The following DOCK7 variants were observed in gnomAD, a reference collection of about 807,000 sequenced individuals.
DOCK7 encodes the protein dedicator of cytokinesis 7.
A neutral mutation model predicts 271.0 loss-of-function variants in DOCK7; 138 were observed. The observed-to-expected ratio is 0.51, with a 90% CI of 0.44 to 0.59. The LOEUF (loss-of-function observed/expected upper bound fraction) is 0.59, where lower values mean the gene tolerates loss of function less well. Ranked by LOEUF, DOCK7 falls within the 20% of genes least tolerant of loss-of-function variation. The pLI is 0.00. For synonymous variants in DOCK7, 823 were observed against 876.1 expected (o/e 0.94, Z 1.07); for missense variants, 2,066 against 2,592.4 (o/e 0.80, Z 4.41).
At chr1:62,586,285 T>C (rs1432484855) in intron 15 of DOCK7, among the ~76,000 whole-genome samples, 5 of 152,180 alleles carry the variant, frequency 3.3e-5, no homozygotes, top group Non-Finnish European at 1.5e-5. Context: ...ACAAGTCTTA[T>C]TCATCTTTGT....
intron 14 of DOCK7, among the ~76,000 whole-genome samples, chr1:62,593,596 T>A (rs1181425578): frequency 6.6e-6 from 1 of 151,968 alleles, no homozygotes; most frequent in African/African-American, 2.4e-5. Flanking sequence ...AAAAAATCTT[T>A]ACATGTCCAA....
Position 62,597,635 on chromosome 1 carries a change from T to C in DOCK7, c.1683-11011A>G, listed in dbSNP as rs763902658. 3.1e-6 allele frequency: 5 copies of C among 1,613,328 alleles called. No individual in the cohort carries two copies. In the Admixed American group the frequency reaches 6.7e-5, roughly 22 times the overall value. On this transcript the variant is annotated intron_variant, in intron 14 of 49. Coordinates refer to ENST00000635253, the MANE Select transcript of DOCK7 (RefSeq NM_001367561.1). ...TTTCCTCCAGAATTGATCAAGACAA[T>C]TCATCATTTGATTCTCTATCTCCAG...
At chr1:62,603,230 G>A (rs1413336657) in intron 14 of DOCK7, among the ~76,000 whole-genome samples, 2 of 151,594 alleles carry the variant, frequency 1.3e-5, no homozygotes, top group Admixed American at 6.6e-5. Context: ...CAACCCATTT[G>A]TACTTGTATT....
chr1:62,506,590 C>G (rs1646943594), intron 35 of DOCK7, among the ~76,000 whole-genome samples: 5 of 151,836 alleles, frequency 3.3e-5, no homozygotes, highest in Admixed American at 3.3e-4. Flanking sequence ...TGTGCCTCAG[C>G]CTCCTGAGTA....
chr1:62,542,756 T>C, intron 24 of DOCK7, 53 bp from the exon 25 acceptor site: 1 of 1,514,494 alleles, frequency 6.6e-7, no homozygotes, highest in South Asian at 1.2e-5. Flanking sequence ...GCTGATAACA[T>C]AAACCAAATC....
chr1:62,476,263 T>A, intron 44 of DOCK7, 107 bp from the exon 45 acceptor site: 2 of 675,402 alleles, frequency 3.0e-6, no homozygotes, highest in Non-Finnish European at 5.0e-6. Flanking sequence ...GTGAGTTCTG[T>A]ACAATCATAT....
At chr1:62,688,200 G>T in intron 1 of DOCK7, 27 bp downstream of exon 1, 1 of 1,369,652 alleles carries the variant, frequency 7.3e-7, no homozygotes. Flanking sequence ...GGCGGCGGCG[G>T]CGGCGCGCCC....
chr1:62,522,183 T>C lies in DOCK7; in HGVS notation c.3936+5968A>G, dbSNP rs139429900. Among the ~76,000 whole-genome samples the C allele has an allele frequency of 4.0e-3, 602 of 152,080 alleles. 15 individuals carry two copies. The highest frequency in any genetic ancestry group is 0.034 in the Admixed American group (525 of 15,266). The stretch of plus-strand genomic sequence containing the variant: ...TCTTAGGTACTTGCAGAGAAGAGGA[T>C]AAAAGAGAAAACTCCCTACCTCATT... On this transcript the variant is annotated intron_variant, in intron 31 of 49. Coordinates refer to ENST00000635253, the MANE Select transcript of DOCK7 (RefSeq NM_001367561.1).
rs1290014842 is a variant in DOCK7 at position 62,539,822 on chromosome 1, T to C, written c.3116A>G (p.Glu1039Gly). The change falls in exon 26 of 50, where the codon GAA becomes GGA. Residue 1039 changes from glutamate to glycine, a missense_variant. This residue lies in a region of DOCK7 where 1,414 missense variants were observed against 1,670.4 expected (regional missense o/e 0.85). Coordinates refer to ENST00000635253, the MANE Select transcript of DOCK7 (RefSeq NM_001367561.1). Reference protein sequence around the residue: ...LEAPRKSRFPERFMDDIAALV... With the variant: ...LEAPRKSRFPGRFMDDIAALV... Reference sequence around the variant, plus strand: ...AGCTGCAATGTCATCCATGAAACGTTCTGGAAAACGACTTTTCCTTGGAGC... The same window carrying C: ...AGCTGCAATGTCATCCATGAAACGTCCTGGAAAACGACTTTTCCTTGGAGC... 1.9e-6 allele frequency: 3 copies of C among 1,613,776 alleles called. No individual in the cohort carries two copies. Among genetic ancestry groups the C allele is most frequent in the Non-Finnish European group, 2.5e-6 (3 of 1,179,912 alleles).
At chr1:62,683,780 C>G (rs1661427588) in intron 1 of DOCK7, among the ~76,000 whole-genome samples, 2 of 151,740 alleles carry the variant, frequency 1.3e-5, no homozygotes, top group South Asian at 4.2e-4. Flanking sequence ...ACAAAAAGTG[C>G]AAAAATTAGC....
At chr1:62,607,088 C>T (rs2149552260) in intron 14 of DOCK7, among the ~76,000 whole-genome samples, 1 of 152,246 alleles carries the variant, frequency 6.6e-6, no homozygotes, top group South Asian at 2.1e-4. Flanking sequence ...TGCCTACAGT[C>T]CCAGCTACTC....
intron 48 of DOCK7, among the ~76,000 whole-genome samples, chr1:62,462,691 GATCATT>G (rs1161813871): frequency 1.3e-5 from 2 of 152,040 alleles, no homozygotes; most frequent in African/African-American, 4.8e-5. Context: ...ATGGCACTGA[GATCATT>G]ATCAGTTATC....
intron 1 of DOCK7, among the ~76,000 whole-genome samples, chr1:62,678,993 A>C (rs1429742498): frequency 6.6e-6 from 1 of 152,166 alleles, no homozygotes; most frequent in African/African-American, 2.4e-5. Context: ...AAAATATCTT[A>C]TGTACCCCAT....
At chr1:62,686,118 T>C (rs1661695824) in intron 1 of DOCK7, among the ~76,000 whole-genome samples, 1 of 150,768 alleles carries the variant, frequency 6.6e-6, no homozygotes, top group African/African-American at 2.5e-5. Flanking sequence ...CTGGTTCTAA[T>C]AAGAGAAATT....
intron 1 of DOCK7, among the ~76,000 whole-genome samples, chr1:62,666,279 A>C (rs1180672058): frequency 1.3e-5 from 2 of 152,242 alleles, no homozygotes; most frequent in Non-Finnish European, 2.9e-5. Context: ...CAGTTAATTG[A>C]AGATTTCAGA....
chr1:62,544,151 T>G (rs1034674135), intron 23 of DOCK7, among the ~76,000 whole-genome samples: 1 of 152,176 alleles, frequency 6.6e-6, no homozygotes. Flanking sequence ...AAGTTTAGAA[T>G]AATTTCTTTC....
intron 1 of DOCK7, among the ~76,000 whole-genome samples, chr1:62,675,549 G>A (rs1405207815): frequency 2.0e-5 from 3 of 152,122 alleles, no homozygotes; most frequent in Non-Finnish European, 2.9e-5. Context: ...TTGGGAGGCC[G>A]AGGCGGGCGG....
chr1:62,670,827 C>T (rs542848096), intron 1 of DOCK7, among the ~76,000 whole-genome samples: 42 of 152,250 alleles, frequency 2.8e-4, no homozygotes, highest in Non-Finnish European at 4.9e-4. Flanking sequence ...AGCAGGCTGC[C>T]CGAGCCAGCA....
At position 62,555,917 on chromosome 1, in the gene DOCK7, T is replaced by C; in HGVS notation, c.2504A>G (p.Asn835Ser). ...INRLHKNLEG[N>S]HDQHGRNSLL... is the part of the protein sequence containing the mutation. ...GCTGTTTCTGCCATGCTGGTCATGA[T>C]TTCCTTCCAAGTTTTTGTGAAGTCG... is the stretch of plus-strand genomic sequence containing the variant. The change falls in exon 21 of 50, where the codon AAT (asparagine) becomes AGT (serine). Residue 835 changes from asparagine to serine, a missense_variant. This residue lies in a region of DOCK7 where 1,414 missense variants were observed against 1,670.4 expected (regional missense o/e 0.85). Coordinates refer to ENST00000635253, the MANE Select transcript of DOCK7 (RefSeq NM_001367561.1). 2 of 1,613,962 alleles carry C rather than the reference T, an allele frequency of 1.2e-6. No homozygotes were observed. The highest frequency in any genetic ancestry group is 1.7e-6 in the Non-Finnish European group (2 of 1,179,944).
Sources: gnomAD v4.1 joint callset for allele counts (sites outside exome capture counted in the v4.1 genomes callset) on GRCh38, gnomAD v4.1.1 for gene constraint, gnomAD v4.1.1 regional missense constraint, MANE v1.5 for transcripts, NCBI Gene and HGNC (gene_info 2026-07-23, HGNC 2026-07-21) for gene names.